Variants in RBMS3 observed in about 807,000 individuals in gnomAD.
RBMS3 encodes the protein RNA binding motif single stranded interacting protein 3, also known as RNA-binding motif, single-stranded-interacting protein 3.
Under a neutral mutation model 66.8 loss-of-function variants are expected in RBMS3, and 27 were observed. The observed-to-expected ratio is 0.40, with a 90% CI of 0.30 to 0.56. The LOEUF is 0.56. RBMS3 is among the 20% of genes least tolerant of loss of function. The probability of loss-of-function intolerance (pLI) is 0.40; values close to 1 mark genes in which losing one functional copy is unlikely to be tolerated. For synonymous variants in RBMS3, 188 were observed against 183.0 expected (o/e 1.03, Z -0.22); for missense variants, 513 against 549.5 (o/e 0.93, Z 0.66).
At chr3:29,281,809 G>T in intron 1 of RBMS3, 53 bp downstream of exon 1, 16 of 1,460,900 alleles carry the variant, frequency 1.1e-5, no homozygotes, top group Non-Finnish European at 1.3e-5. Context: ...CTGCACTTGG[G>T]ATGGGAAACA....
intron 1 of RBMS3, among the ~76,000 whole-genome samples, chr3:29,412,071 C>T (rs555097731): frequency 6.6e-6 from 1 of 152,288 alleles, no homozygotes; most frequent in Admixed American, 6.5e-5. Context: ...ATAGAAAAGA[C>T]ACTTATTTAC....
At chr3:29,776,428 C>G (rs2056429027) in intron 6 of RBMS3, among the ~76,000 whole-genome samples, 1 of 151,952 alleles carries the variant, frequency 6.6e-6, no homozygotes, top group Non-Finnish European at 1.5e-5. Flanking sequence ...GGTATATCTC[C>G]TAATGCTATC....
At chr3:29,395,279 T>C (rs1019904661) in intron 1 of RBMS3, among the ~76,000 whole-genome samples, 1 of 152,224 alleles carries the variant, frequency 6.6e-6, no homozygotes, top group South Asian at 2.1e-4. Context: ...AGGTATTAGC[T>C]TGTCAACTGA....
At chr3:29,767,709 A>T (rs944277502) in intron 6 of RBMS3, among the ~76,000 whole-genome samples, 2 of 151,986 alleles carry the variant, frequency 1.3e-5, no homozygotes, top group African/African-American at 4.8e-5. Flanking sequence ...TAAATGATGA[A>T]CACAAATGTT....
At position 29,603,487 on chromosome 3, in the gene RBMS3, ATGTT is replaced by A. The variant is rs575899067; in HGVS notation, c.399+16285_399+16288del. 2.5e-3 allele frequency among the ~76,000 whole-genome samples: 387 copies of A among 152,044 alleles called. 2 individuals are homozygous for A. The highest frequency in any genetic ancestry group is 0.012 in the South Asian group (57 of 4,824). On this transcript the variant is annotated intron_variant, in intron 4 of 14. Coordinates refer to ENST00000383767, the MANE Select transcript of RBMS3 (RefSeq NM_001003793.3). ...TGCCCACCATAGAGGACATTTGGCA[ATGTT>A]TGGAGACATTTGTGGTTCTCTTGAC...
At chr3:29,338,832 G>T (rs982984659) in intron 1 of RBMS3, among the ~76,000 whole-genome samples, 1 of 151,962 alleles carries the variant, frequency 6.6e-6, no homozygotes, top group East Asian at 1.9e-4. Context: ...CACCGTATCA[G>T]CTATTACTCC....
chr3:29,666,110 G>A (rs1002413420), intron 4 of RBMS3, among the ~76,000 whole-genome samples: 3 of 152,094 alleles, frequency 2.0e-5, no homozygotes, highest in African/African-American at 4.8e-5. Flanking sequence ...TGCCTGGATG[G>A]GTATTCTCCC....
chr3:29,424,749 G>A (rs923344048), intron 1 of RBMS3, among the ~76,000 whole-genome samples: 1 of 152,042 alleles, frequency 6.6e-6, no homozygotes, highest in Non-Finnish European at 1.5e-5. Context: ...ACGTAATTGG[G>A]AACAAAGTGT....
intron 4 of RBMS3, among the ~76,000 whole-genome samples, chr3:29,662,861 T>C (rs957185109): frequency 1.3e-5 from 2 of 152,124 alleles, no homozygotes; most frequent in Non-Finnish European, 2.9e-5. Flanking sequence ...AATATGAAAA[T>C]AAATGATATA....
At chr3:29,430,628 G>T (rs889355815) in intron 1 of RBMS3, among the ~76,000 whole-genome samples, 2 of 152,156 alleles carry the variant, frequency 1.3e-5, no homozygotes, top group African/African-American at 2.4e-5. Flanking sequence ...AGAGCCCTAG[G>T]GGGGAAAAGA....
intron 4 of RBMS3, among the ~76,000 whole-genome samples, chr3:29,648,723 T>C (rs1465216046): frequency 2.0e-5 from 3 of 151,972 alleles, no homozygotes; most frequent in Admixed American, 1.3e-4. Context: ...TGTTTTTTTT[T>C]CCTAAACATG....
intron 2 of RBMS3, among the ~76,000 whole-genome samples, chr3:29,435,648 C>G (rs2041370257): frequency 6.6e-6 from 1 of 152,136 alleles, no homozygotes; most frequent in South Asian, 2.1e-4. Flanking sequence ...AATTAAGAAT[C>G]ATAGACCTGG....
intron 6 of RBMS3, among the ~76,000 whole-genome samples, chr3:29,806,282 T>C (rs1156736242): frequency 6.6e-6 from 1 of 152,018 alleles, no homozygotes; most frequent in African/African-American, 2.4e-5. Context: ...TATGTCACTA[T>C]GTCACTGTGC....
chr3:29,943,104 G>A (rs896817387), intron 11 of RBMS3, among the ~76,000 whole-genome samples: 1 of 151,794 alleles, frequency 6.6e-6, no homozygotes, highest in African/African-American at 2.4e-5. Context: ...TTACTCAGGA[G>A]AGAGTGATTA....
chr3:29,470,715 T>A (rs1407087222), intron 2 of RBMS3, among the ~76,000 whole-genome samples: 2 of 152,110 alleles, frequency 1.3e-5, no homozygotes, highest in East Asian at 3.8e-4. Flanking sequence ...GGAATGCTTA[T>A]ATACCCTGGA....
chr3:29,738,156 C>A (rs929313529), intron 4 of RBMS3, among the ~76,000 whole-genome samples: 1 of 152,012 alleles, frequency 6.6e-6, no homozygotes, highest in East Asian at 1.9e-4. Context: ...AAAATTATTT[C>A]TTGACCTGAA....
chr3:29,838,063 C>T (rs1277801713), intron 6 of RBMS3, among the ~76,000 whole-genome samples: 5 of 149,778 alleles, frequency 3.3e-5, no homozygotes, highest in Non-Finnish European at 5.9e-5. Flanking sequence ...TGTGGTGGGT[C>T]ATGCCTGTAA....
At position 29,825,931 on chromosome 3, in the gene RBMS3, G is replaced by A. The variant is rs1448380477; in HGVS notation, c.638-42927G>A. 3.9e-5 allele frequency among the ~76,000 whole-genome samples: 6 copies of A among 152,260 alleles called. 1 individual carries two copies. In the South Asian group the frequency reaches 6.2e-4, roughly 16 times the overall value. Reference sequence around the variant, plus strand: ...TAAGAAAGTGTTTAGAAAGCACTACGTCTTCTACATGTAGTAAACATCCAG... The same window carrying A: ...TAAGAAAGTGTTTAGAAAGCACTACATCTTCTACATGTAGTAAACATCCAG... On this transcript the variant is annotated intron_variant, in intron 6 of 14. Transcript: ENST00000383767.
At chr3:29,814,865 A>G (rs2057836326) in intron 6 of RBMS3, among the ~76,000 whole-genome samples, 1 of 152,214 alleles carries the variant, frequency 6.6e-6, no homozygotes, top group South Asian at 2.1e-4. Flanking sequence ...CTGGAAAATA[A>G]CTAATGCTAA....
Sources: allele counts gnomAD v4.1 joint callset (sites outside exome capture counted in the v4.1 genomes callset), GRCh38; gene constraint gnomAD v4.1.1; transcripts MANE v1.5; gene names NCBI Gene and HGNC (gene_info 2026-07-23, HGNC 2026-07-21).